Variants in RAD51B observed in about 807,000 individuals in gnomAD.
RAD51B encodes DNA repair protein RAD51 homolog 2.
Under a neutral mutation model 42.2 loss-of-function variants are expected in RAD51B, and 38 were observed. That is an observed-to-expected ratio of 0.90 (90% confidence interval 0.70 to 1.18). The LOEUF is 1.18. Among genes scored for constraint, RAD51B ranks in the 50% most tolerant of loss-of-function variants. RAD51B has a pLI of 0.00. For synonymous variants in RAD51B, 154 were observed against 145.2 expected, an observed-to-expected ratio of 1.06 and a Z score of -0.43; for missense variants, 373 against 400.7, an observed-to-expected ratio of 0.93 and a Z score of 0.59.
chr14:68,440,734 G>A lies in RAD51B; in HGVS notation c.958-27438G>A, dbSNP rs540851768. ...GCATTCCAGCCTGGGCAACAAGAGC[G>A]AAACTCCATCTCAAAAAAAAAAGAA... is the stretch of plus-strand genomic sequence containing the variant. On this transcript the variant is annotated intron_variant, in intron 9 of 10. Transcript: ENST00000471583. 1.4e-3 allele frequency among the ~76,000 whole-genome samples: 208 copies of A among 149,882 alleles called. 1 individual carries two copies. Among genetic ancestry groups the A allele is most frequent in the Non-Finnish European group, 2.1e-3 (139 of 67,766 alleles).
At chr14:68,357,675 C>A (rs971614476) in intron 8 of RAD51B, among the ~76,000 whole-genome samples, 13 of 152,128 alleles carry the variant, frequency 8.5e-5, no homozygotes, top group Non-Finnish European at 2.9e-5. Flanking sequence ...CCTTGTACAT[C>A]TTCATCAGAG....
chr14:67,923,961 A>G (rs1283538385), intron 7 of RAD51B, among the ~76,000 whole-genome samples: 1 of 152,062 alleles, frequency 6.6e-6, no homozygotes, highest in Non-Finnish European at 1.5e-5. Flanking sequence ...TTGGATTTGC[A>G]TTTCCCTGAT....
chr14:68,585,464 G>A (rs1890416118), intron 10 of RAD51B, among the ~76,000 whole-genome samples: 1 of 152,100 alleles, frequency 6.6e-6, no homozygotes, highest in South Asian at 2.1e-4. Context: ...GGAGGCTGAT[G>A]GGCTAAACAA....
intron 10 of RAD51B, among the ~76,000 whole-genome samples, chr14:68,581,297 G>A (rs1166882583): frequency 6.6e-6 from 1 of 152,160 alleles, no homozygotes; most frequent in Non-Finnish European, 1.5e-5. Context: ...TGGTTGGGAG[G>A]GTAAAGGGCC....
intron 7 of RAD51B, among the ~76,000 whole-genome samples, chr14:68,261,802 CCAGTAA>C (rs1462708133): frequency 3.3e-5 from 5 of 152,076 alleles, no homozygotes; most frequent in African/African-American, 1.2e-4. Flanking sequence ...TGCCCCCAAA[CCAGTAA>C]CAGGTATAGG....
chr14:67,956,390 G>C (rs758043426), intron 7 of RAD51B, among the ~76,000 whole-genome samples: 17 of 152,116 alleles, frequency 1.1e-4, no homozygotes, highest in Non-Finnish European at 2.2e-4. Flanking sequence ...GAGTGGCTCA[G>C]GCAGGAGAAT....
chr14:67,965,507 TA>T (rs1204400942), intron 7 of RAD51B, among the ~76,000 whole-genome samples: 1 of 152,156 alleles, frequency 6.6e-6, no homozygotes, highest in Non-Finnish European at 1.5e-5. Flanking sequence ...CTCTCTGGTT[TA>T]AAAACCTTTG....
chr14:68,156,729 A>G (rs936823374), intron 7 of RAD51B, among the ~76,000 whole-genome samples: 11 of 152,174 alleles, frequency 7.2e-5, no homozygotes, highest in Non-Finnish European at 8.8e-5. Context: ...CCTTTTATTA[A>G]TGATAATACA....
At chr14:68,418,157 G>T (rs890432976) in intron 9 of RAD51B, among the ~76,000 whole-genome samples, 1 of 152,126 alleles carries the variant, frequency 6.6e-6, no homozygotes, top group African/African-American at 2.4e-5. Context: ...ATCAAATATA[G>T]TTACAAAATT....
intron 7 of RAD51B, among the ~76,000 whole-genome samples, chr14:67,892,059 T>A (rs2140067731): frequency 6.6e-6 from 1 of 152,256 alleles, no homozygotes; most frequent in South Asian, 2.1e-4. Flanking sequence ...GAAATGTAAT[T>A]TTTGGTTTAC....
At chr14:68,556,041 A>G (rs1252523580) in intron 10 of RAD51B, among the ~76,000 whole-genome samples, 1 of 152,278 alleles carries the variant, frequency 6.6e-6, no homozygotes, top group Non-Finnish European at 1.5e-5. Flanking sequence ...GAATCGGCAC[A>G]GTGAGTTCCT....
intron 9 of RAD51B, among the ~76,000 whole-genome samples, chr14:68,451,663 G>A (rs1486532735): frequency 6.6e-6 from 1 of 152,244 alleles, no homozygotes; most frequent in African/African-American, 2.4e-5. Context: ...TAGTAAGAAT[G>A]CTGCGGTAAC....
At chr14:67,852,781 G>A (rs1404094942) in intron 4 of RAD51B, among the ~76,000 whole-genome samples, 2 of 137,972 alleles carry the variant, frequency 1.4e-5, no homozygotes, top group Non-Finnish European at 3.3e-5. Flanking sequence ...GTGTGTATGT[G>A]TATAATTAAA....
chr14:68,486,531 C>T (rs1351263214), intron 10 of RAD51B, among the ~76,000 whole-genome samples: 3 of 152,178 alleles, frequency 2.0e-5, no homozygotes, highest in African/African-American at 7.2e-5. Context: ...TTCTCTGTGC[C>T]CCTCCGGAGT....
chr14:67,890,408 C>CT (rs2043183173), intron 7 of RAD51B, among the ~76,000 whole-genome samples: 1 of 151,376 alleles, frequency 6.6e-6, no homozygotes, highest in Non-Finnish European at 1.5e-5. Context: ...GCAGAATTTT[C>CT]TTTTTTTCTG....
At chr14:67,945,748 G>T (rs1189532882) in intron 7 of RAD51B, among the ~76,000 whole-genome samples, 1 of 152,142 alleles carries the variant, frequency 6.6e-6, no homozygotes. Flanking sequence ...TGGGATTACA[G>T]GCATGAGCTA....
At chr14:68,505,844 C>T (rs1249979690) in intron 10 of RAD51B, among the ~76,000 whole-genome samples, 1 of 152,192 alleles carries the variant, frequency 6.6e-6, no homozygotes, top group East Asian at 1.9e-4. Flanking sequence ...TGAGCGACCG[C>T]GCCCAGCCAG....
rs551718903 is a variant in RAD51B at position 68,203,064 on chromosome 14, T to C, written c.757-88820T>C. 3.5e-4 allele frequency among the ~76,000 whole-genome samples: 54 copies of C among 152,340 alleles called. 1 individual carries two copies. In the South Asian group the frequency reaches 0.011, roughly 31 times the overall value. The stretch of plus-strand genomic sequence containing the variant: ...TCAGTTTCTTTAAAACTCCTGTTTA[T>C]GCTGATATTTTGACCTCCTCCCATG... On this transcript the variant is annotated intron_variant, in intron 7 of 10. Coordinates refer to ENST00000471583, the MANE Select transcript of RAD51B (RefSeq NM_133510.4).
At chr14:68,113,076 C>T (rs1373537421) in intron 7 of RAD51B, among the ~76,000 whole-genome samples, 5 of 151,910 alleles carry the variant, frequency 3.3e-5, no homozygotes, top group Non-Finnish European at 7.4e-5. Context: ...TTTAAAAATA[C>T]GAAATTGGTT....
Sources: allele counts gnomAD v4.1 joint callset (sites outside exome capture counted in the v4.1 genomes callset), GRCh38; gene constraint gnomAD v4.1.1; transcripts MANE v1.5; gene names NCBI Gene and HGNC (gene_info 2026-07-23, HGNC 2026-07-21).